ST6GALNAC3: variants seen among roughly 807,000 people sequenced by gnomAD.
ST6GALNAC3 encodes ST6 N-acetylgalactosaminide alpha-2,6-sialyltransferase 3, also known as alpha-N-acetylgalactosaminide alpha-2,6-sialyltransferase 3.
A neutral mutation model predicts 32.7 loss-of-function variants in ST6GALNAC3; 25 were observed. The observed-to-expected ratio is 0.76, with a 90% confidence interval of 0.56 to 1.07. ST6GALNAC3 has a LOEUF of 1.07. Among genes scored for constraint, ST6GALNAC3 ranks in the 50% least tolerant of loss-of-function variants. The pLI is 0.00. For synonymous variants in ST6GALNAC3, 129 were observed against 133.1 expected (o/e 0.97, Z 0.21); for missense variants, 355 against 382.4 (o/e 0.93, Z 0.60).
intron 1 of ST6GALNAC3, among the ~76,000 whole-genome samples, chr1:76,213,824 A>G (rs986125423): frequency 2.6e-5 from 4 of 152,220 alleles, no homozygotes; most frequent in Admixed American, 2.6e-4. Context: ...GATTAAGGGA[A>G]TTCAGACTAC....
At chr1:76,420,618 T>A (rs1654966250) in intron 3 of ST6GALNAC3, among the ~76,000 whole-genome samples, 1 of 152,084 alleles carries the variant, frequency 6.6e-6, no homozygotes, top group African/African-American at 2.4e-5. Context: ...GGGCCATGGA[T>A]GTTTCAAGTG....
intron 2 of ST6GALNAC3, among the ~76,000 whole-genome samples, chr1:76,408,883 G>A (rs1436021215): frequency 1.3e-5 from 2 of 152,050 alleles, no homozygotes; most frequent in South Asian, 2.1e-4. Flanking sequence ...ATGCATCTTG[G>A]TGATAAGTTG....
intron 1 of ST6GALNAC3, among the ~76,000 whole-genome samples, chr1:76,243,444 C>G (rs1657080065): frequency 6.6e-6 from 1 of 152,104 alleles, no homozygotes; most frequent in Non-Finnish European, 1.5e-5. Flanking sequence ...CAGGCAGAAG[C>G]TCTTTAGTTT....
At chr1:76,533,116 C>T (rs1443577023) in intron 3 of ST6GALNAC3, among the ~76,000 whole-genome samples, 3 of 152,072 alleles carry the variant, frequency 2.0e-5, no homozygotes, top group African/African-American at 7.2e-5. Flanking sequence ...TTATGCAAGT[C>T]ATTATTTAAA....
intron 3 of ST6GALNAC3, among the ~76,000 whole-genome samples, chr1:76,435,860 T>A (rs1656103226): frequency 1.8e-5 from 2 of 109,214 alleles, no homozygotes; most frequent in South Asian, 2.7e-4. Context: ...TCTTTTTTTA[T>A]TTTTTTTTTT....
chr1:76,138,895 T>C (rs796224576), intron 1 of ST6GALNAC3, among the ~76,000 whole-genome samples: 3 of 152,134 alleles, frequency 2.0e-5, no homozygotes, highest in African/African-American at 7.2e-5. Context: ...AGGAGGAGTT[T>C]AAAAAAATCT....
intron 3 of ST6GALNAC3, among the ~76,000 whole-genome samples, chr1:76,528,895 G>A (rs538345488): frequency 6.7e-6 from 1 of 150,234 alleles, no homozygotes; most frequent in African/African-American, 2.4e-5. Flanking sequence ...AGCCATACTA[G>A]ATATTAGCAT....
At chr1:76,594,103 C>A (rs1647091598) in intron 3 of ST6GALNAC3, among the ~76,000 whole-genome samples, 1 of 152,088 alleles carries the variant, frequency 6.6e-6, no homozygotes, top group Non-Finnish European at 1.5e-5. Flanking sequence ...GGATAACTTT[C>A]AGTGACTGCT....
intron 3 of ST6GALNAC3, among the ~76,000 whole-genome samples, chr1:76,599,056 G>A (rs1647180067): frequency 6.6e-6 from 1 of 151,926 alleles, no homozygotes; most frequent in Non-Finnish European, 1.5e-5. Flanking sequence ...TAGGTTCATT[G>A]CATTGCTTTT....
At chr1:76,261,427 A>T (rs1417452341) in intron 1 of ST6GALNAC3, among the ~76,000 whole-genome samples, 1 of 152,144 alleles carries the variant, frequency 6.6e-6, no homozygotes, top group African/African-American at 2.4e-5. Context: ...AGTGTTGGTG[A>T]TGCTCACACA....
Position 76,157,246 on chromosome 1 carries a change from C to T in ST6GALNAC3, c.18+82362C>T, listed in dbSNP as rs557785976. On this transcript the variant is annotated intron_variant, in intron 1 of 4. Coordinates refer to ENST00000328299, the MANE Select transcript of ST6GALNAC3 (RefSeq NM_152996.4). Reference sequence around the variant, plus strand: ...TATGCTAAACATGTGTTCACACTGACGTTTCCAGCTCTTAAGCTGTTACAT... The same window carrying T: ...TATGCTAAACATGTGTTCACACTGATGTTTCCAGCTCTTAAGCTGTTACAT... Among the ~76,000 whole-genome samples, 85 of 152,304 alleles carry T rather than the reference C, an allele frequency of 5.6e-4. 1 individual carries two copies. Among genetic ancestry groups the T allele is most frequent in the African/African-American group, 1.9e-3 (81 of 41,560 alleles).
chr1:76,085,393 T>G (rs2100733200), intron 1 of ST6GALNAC3, among the ~76,000 whole-genome samples: 2 of 152,332 alleles, frequency 1.3e-5, no homozygotes, highest in South Asian at 2.1e-4. Context: ...TTCTTTCATG[T>G]CTGGCCAGCA....
intron 1 of ST6GALNAC3, among the ~76,000 whole-genome samples, chr1:76,091,346 G>A (rs142959571): frequency 1.4e-3 from 214 of 152,350 alleles, no homozygotes; most frequent in African/African-American, 4.8e-3. Flanking sequence ...AGATCATTGA[G>A]TTAAGACTCT....
intron 1 of ST6GALNAC3, among the ~76,000 whole-genome samples, chr1:76,263,121 T>C (rs997725374): frequency 2.6e-5 from 4 of 152,156 alleles, no homozygotes; most frequent in African/African-American, 9.7e-5. Context: ...CTCTACCTCA[T>C]GAAAATTAAA....
chr1:76,551,432 A>G (rs1485706238), intron 3 of ST6GALNAC3, among the ~76,000 whole-genome samples: 2 of 152,158 alleles, frequency 1.3e-5, no homozygotes, highest in Non-Finnish European at 2.9e-5. Flanking sequence ...TCTTAGAATT[A>G]TTTTTAGCTG....
At chr1:76,203,890 A>G (rs1305316446) in intron 1 of ST6GALNAC3, among the ~76,000 whole-genome samples, 1 of 152,164 alleles carries the variant, frequency 6.6e-6, no homozygotes, top group African/African-American at 2.4e-5. Context: ...GAAACATTCA[A>G]TTTATTATCT....
rs78681663 is a variant in ST6GALNAC3 at position 76,248,443 on chromosome 1, T to A, written c.19-65362T>A. ...CTAAGGAAACTGAGAGCAGTTAGCT[T>A]CTTTGGTATGAGGAAAATGGGTTCA... is the stretch of plus-strand genomic sequence containing the variant. On this transcript the variant is annotated intron_variant, in intron 1 of 4. Coordinates refer to ENST00000328299, the MANE Select transcript of ST6GALNAC3 (RefSeq NM_152996.4). Among the ~76,000 whole-genome samples, 110 of 152,326 alleles carry A rather than the reference T, an allele frequency of 7.2e-4. No individual in the cohort carries two copies. In the East Asian group the frequency reaches 0.018, roughly 25 times the overall value.
rs576244658 is a variant in ST6GALNAC3 at position 76,233,846 on chromosome 1, C to T, written c.19-79959C>T. Among the ~76,000 whole-genome samples, 23 of 152,194 alleles carry T rather than the reference C, an allele frequency of 1.5e-4. No individual in the cohort carries two copies. The East Asian group carries it at 4.2e-3, about 28-fold the overall frequency. ...ATTTACTTTTAACAACAACCATATA[C>T]TTTTTGTATATATAAAGCACAGATA... On this transcript the variant is annotated intron_variant, in intron 1 of 4. Transcript: ENST00000328299.
At chr1:76,188,683 A>G (rs1320592949) in intron 1 of ST6GALNAC3, among the ~76,000 whole-genome samples, 1 of 152,216 alleles carries the variant, frequency 6.6e-6, no homozygotes, top group Admixed American at 6.5e-5. Context: ...TTTACCAGTA[A>G]CATAAACAAT....
Sources: allele counts gnomAD v4.1 joint callset (sites outside exome capture counted in the v4.1 genomes callset), GRCh38; gene constraint gnomAD v4.1.1; transcripts MANE v1.5; gene names NCBI Gene and HGNC (gene_info 2026-07-23, HGNC 2026-07-21).